Variants in HTR3B observed in about 807,000 individuals in gnomAD.
The protein encoded by HTR3B is 5-hydroxytryptamine (serotonin) receptor 3B, ionotropic.
A neutral mutation model predicts 42.8 loss-of-function variants in HTR3B; 44 were observed. The ratio of observed to expected loss-of-function variants is 1.03; its 90% CI spans 0.81 to 1.32. The LOEUF (loss-of-function observed/expected upper bound fraction) is 1.32, where lower values mean the gene tolerates loss of function less well. HTR3B is among the 40% of genes most tolerant of loss of function. HTR3B has a pLI of 0.00. For missense variants in HTR3B, 527 were observed against 536.5 expected, an observed-to-expected ratio of 0.98 and a Z score of 0.17; for synonymous variants, 203 against 209.0, an observed-to-expected ratio of 0.97 and a Z score of 0.25.
chr11:113,909,225 C>A (rs763047356), intron 1 of HTR3B, 70 bp from the exon 2 acceptor site: 22 of 1,213,850 alleles, frequency 1.8e-5, no homozygotes, highest in Middle Eastern at 3.8e-4. Context: ...GAGTCCTGAA[C>A]AGTCTGAAAC....
At chr11:113,928,247 G>A (rs565501497) in intron 2 of HTR3B, among the ~76,000 whole-genome samples, 158 of 152,140 alleles carry the variant, frequency 1.0e-3, no homozygotes, top group Middle Eastern at 6.8e-3. Flanking sequence ...GGTATTCCAC[G>A]GTATATATGT....
chr11:113,918,019 T>C (rs1358729578), intron 2 of HTR3B, among the ~76,000 whole-genome samples: 3 of 152,200 alleles, frequency 2.0e-5, no homozygotes, highest in African/African-American at 7.2e-5. Context: ...GGCATATTCT[T>C]GGCCATCCTT....
At chr11:113,915,275 C>A (rs1349151038) in intron 2 of HTR3B, among the ~76,000 whole-genome samples, 1 of 152,162 alleles carries the variant, frequency 6.6e-6, no homozygotes, top group East Asian at 1.9e-4. Flanking sequence ...GTGATCACGG[C>A]TTACTGCAGC....
intron 2 of HTR3B, among the ~76,000 whole-genome samples, chr11:113,929,315 G>T (rs1950008554): frequency 6.6e-6 from 1 of 152,150 alleles, no homozygotes; most frequent in African/African-American, 2.4e-5. Flanking sequence ...AAATACCACA[G>T]ACTAGGTGGC....
upstream of HTR3B, among the ~76,000 whole-genome samples, chr11:113,902,536 A>G (rs1280953541): frequency 1.3e-5 from 2 of 152,132 alleles, no homozygotes; most frequent in Admixed American, 1.3e-4. Context: ...ATCTCAGGTG[A>G]TCTACCCACC....
chr11:113,943,132 G>T lies in HTR3B; in HGVS notation c.847G>T (p.Val283Phe), dbSNP rs781107106. 31 of 1,613,992 alleles carry T rather than the reference G, an allele frequency of 1.9e-5. No homozygotes were observed. The highest frequency in any genetic ancestry group is 2.5e-5 in the Non-Finnish European group (30 of 1,180,024). ...FKTSVLVGYT[V>F]FRVNMSNQVP... ...GACCAGTGTGCTGGTGGGCTACACC[G>T]TCTTCAGGGTCAACATGTCCAACCA... Residue 283 changes from valine to phenylalanine, a missense_variant, in exon 7 of 9, where the codon GTC (valine) becomes TTC (phenylalanine). By Grantham distance (50) the Val-to-Phe change is conservative. Coordinates refer to ENST00000260191, the MANE Select transcript of HTR3B (RefSeq NM_006028.5).
intron 6 of HTR3B, among the ~76,000 whole-genome samples, chr11:113,942,077 G>A (rs1950139647): frequency 6.6e-6 from 1 of 152,086 alleles, no homozygotes; most frequent in South Asian, 2.1e-4. Context: ...AGACCAAAAA[G>A]TAATACAATA....
At chr11:113,940,842 G>T (rs750963363) in intron 6 of HTR3B, among the ~76,000 whole-genome samples, 4 of 152,180 alleles carry the variant, frequency 2.6e-5, no homozygotes, top group Admixed American at 6.5e-5. Context: ...ATTTCTTTGT[G>T]ACACTCTTCT....
Position 113,909,291 on chromosome 11 carries a change from C to T in HTR3B, c.53-4C>T, listed in dbSNP as rs1428334072. On this transcript the variant is annotated splice_region_variant and splice_polypyrimidine_tract_variant and intron_variant, in intron 1 of 8. Transcript: ENST00000260191. Reference sequence around the variant, plus strand: ...TATCTTCACAATGATAGTTTATTTTCCAGGAATTCTAGCCACAGATACACA... The same window carrying T: ...TATCTTCACAATGATAGTTTATTTTTCAGGAATTCTAGCCACAGATACACA... 2 of 1,610,060 alleles carry T rather than the reference C, an allele frequency of 1.2e-6. No homozygotes were observed. Among genetic ancestry groups the T allele is most frequent in the Admixed American group, 3.3e-5 (2 of 60,002 alleles).
intron 2 of HTR3B, among the ~76,000 whole-genome samples, chr11:113,920,449 C>T (rs1257216877): frequency 6.6e-6 from 1 of 151,960 alleles, no homozygotes; most frequent in Non-Finnish European, 1.5e-5. Flanking sequence ...GATCTCGGCT[C>T]ACAGTAACCT....
the HTR3B span, among the ~76,000 whole-genome samples, chr11:113,899,740 C>T: frequency 6.6e-6 from 1 of 152,156 alleles, no homozygotes; most frequent in Non-Finnish European, 1.5e-5. Context: ...AACCCTCTCC[C>T]CTTGCTTCTT....
intron 8 of HTR3B, 35 bp downstream of exon 8, chr11:113,944,790 G>T: frequency 6.3e-7 from 1 of 1,594,384 alleles, no homozygotes; most frequent in Non-Finnish European, 8.6e-7. Context: ...CCCCCGTCTG[G>T]ATTGATCACC....
At chr11:113,905,583 CT>C (rs1042875050) in intron 1 of HTR3B, among the ~76,000 whole-genome samples, 7 of 152,108 alleles carry the variant, frequency 4.6e-5, no homozygotes, top group East Asian at 1.9e-4. Context: ...GAAGTTAATA[CT>C]TTTTTTTCTA....
intron 2 of HTR3B, among the ~76,000 whole-genome samples, chr11:113,923,674 T>C (rs972877680): frequency 3.3e-5 from 5 of 152,162 alleles, no homozygotes; most frequent in Non-Finnish European, 7.3e-5. Flanking sequence ...AAATATCCTT[T>C]GCTTTTAACA....
chr11:113,937,117 C>G (rs550662394), intron 6 of HTR3B, among the ~76,000 whole-genome samples: 240 of 152,304 alleles, frequency 1.6e-3, no homozygotes, highest in African/African-American at 5.6e-3. Context: ...GGCACCAGCT[C>G]CTTTAGTCCA....
chr11:113,939,469 G>C (rs1036991299), intron 6 of HTR3B, among the ~76,000 whole-genome samples: 1 of 152,158 alleles, frequency 6.6e-6, no homozygotes, highest in Non-Finnish European at 1.5e-5. Flanking sequence ...TGACTACATA[G>C]GTTCATATCC....
chr11:113,931,943 T>C (rs2137521841), intron 4 of HTR3B, 76 bp downstream of exon 4: 1 of 855,812 alleles, frequency 1.2e-6, no homozygotes, highest in South Asian at 1.3e-5. Flanking sequence ...TTACTTTCAG[T>C]CAGTGTTGCT....
intron 2 of HTR3B, among the ~76,000 whole-genome samples, chr11:113,919,136 A>G (rs1472150489): frequency 2.6e-5 from 4 of 152,168 alleles, no homozygotes; most frequent in Admixed American, 6.6e-5. Context: ...TTCCTCTATT[A>G]GCTTTTTAGC....
intron 5 of HTR3B, 63 bp downstream of exon 5, chr11:113,932,521 T>C (rs1950046695): frequency 1.6e-6 from 2 of 1,269,100 alleles, no homozygotes; most frequent in Non-Finnish European, 2.2e-6. Flanking sequence ...GATATTATAC[T>C]ATCCTTCAGG....
Sources: gnomAD v4.1 joint callset for allele counts (sites outside exome capture counted in the v4.1 genomes callset) on GRCh38, gnomAD v4.1.1 for gene constraint, MANE v1.5 for transcripts, NCBI Gene and HGNC (gene_info 2026-07-23, HGNC 2026-07-21) for gene names.